SMOC1: variants seen among roughly 807,000 people sequenced by gnomAD.
SMOC1 encodes the protein SPARC-related modular calcium-binding protein 1.
A neutral mutation model predicts 56.3 loss-of-function variants in SMOC1; 22 were observed. The observed-to-expected ratio is 0.39, with a 90% CI of 0.28 to 0.56. The LOEUF is 0.56. Among genes scored for constraint, SMOC1 ranks in the 20% least tolerant of loss-of-function variants. The pLI, the probability that SMOC1 is intolerant of heterozygous loss-of-function variation, is 0.61. For missense variants in SMOC1, 509 were observed against 565.4 expected (o/e 0.90, Z 1.01); for synonymous variants, 193 against 215.0 (o/e 0.90, Z 0.89).
At chr14:69,979,795 A>C (rs1884108018) in intron 5 of SMOC1, among the ~76,000 whole-genome samples, 1 of 152,064 alleles carries the variant, frequency 6.6e-6, no homozygotes, top group Non-Finnish European at 1.5e-5. Context: ...CAGGAACATC[A>C]CCTTTATTCC....
At chr14:69,975,928 T>C in intron 4 of SMOC1, 114 bp downstream of exon 4, 1 of 746,814 alleles carries the variant, frequency 1.3e-6, no homozygotes, top group Non-Finnish European at 2.4e-6. Flanking sequence ...TGAACCTTTT[T>C]CTAGATCAGG....
intron 10 of SMOC1, among the ~76,000 whole-genome samples, chr14:70,018,029 T>A (rs1384010134): frequency 6.6e-6 from 1 of 151,952 alleles, no homozygotes; most frequent in Non-Finnish European, 1.5e-5. Context: ...AGAAGTAGTA[T>A]GGTTTATGTT....
intron 1 of SMOC1, among the ~76,000 whole-genome samples, chr14:69,880,973 A>G (rs985179761): frequency 6.6e-6 from 1 of 152,234 alleles, no homozygotes; most frequent in Non-Finnish European, 1.5e-5. Context: ...AAGCCCAGGT[A>G]TCACTGTGAG....
chr14:69,911,012 C>T (rs1247315417), intron 1 of SMOC1, among the ~76,000 whole-genome samples: 5 of 152,194 alleles, frequency 3.3e-5, no homozygotes, highest in African/African-American at 1.2e-4. Context: ...TGGGCAGATC[C>T]TCAAGTCCTG....
chr14:69,889,722 TA>T (rs5809446), intron 1 of SMOC1, among the ~76,000 whole-genome samples: 3 of 152,298 alleles, frequency 2.0e-5, no homozygotes, highest in South Asian at 4.1e-4. Context: ...CTTAATGGGC[TA>T]AAAAAATCAG....
chr14:70,008,797 A>G lies in SMOC1; in HGVS notation c.665-1957A>G, dbSNP rs368654369. On this transcript the variant is annotated intron_variant, in intron 7 of 11. Coordinates refer to ENST00000361956, the MANE Select transcript of SMOC1 (RefSeq NM_001034852.3). ...TGTTTTCCTTTGGTTTTGCTCCTCT[A>G]TTGCCTCTTTCATGGCATGAAATAC... Among the ~76,000 whole-genome samples, 76 of 152,232 alleles carry G rather than the reference A, an allele frequency of 5.0e-4. No homozygotes were observed. In the South Asian group the frequency reaches 9.1e-3, roughly 18 times the overall value.
At chr14:69,969,629 T>A (rs61981602) in intron 3 of SMOC1, among the ~76,000 whole-genome samples, 278 of 152,250 alleles carry the variant, frequency 1.8e-3, no homozygotes, top group Non-Finnish European at 3.0e-3. Flanking sequence ...GGGATTACAT[T>A]TCAACATGAG....
At chr14:69,994,347 C>A in intron 6 of SMOC1, 53 bp from the exon 7 acceptor site, 1 of 1,401,180 alleles carries the variant, frequency 7.1e-7, no homozygotes, top group Non-Finnish European at 1.0e-6. Flanking sequence ...TACACTTCCA[C>A]TCACATAGTC....
chr14:69,977,697 G>T (rs1384309700), intron 4 of SMOC1, among the ~76,000 whole-genome samples: 1 of 152,140 alleles, frequency 6.6e-6, no homozygotes, highest in African/African-American at 2.4e-5. Context: ...AGAAATCATA[G>T]TTCATCTTAA....
intron 1 of SMOC1, among the ~76,000 whole-genome samples, chr14:69,940,839 G>A (rs1882532144): frequency 6.6e-6 from 1 of 152,104 alleles, no homozygotes; most frequent in African/African-American, 2.4e-5. Flanking sequence ...TGTAGTGAGA[G>A]GAGTTTTTGT....
chr14:70,022,577 G>A (rs1317644555), intron 10 of SMOC1, among the ~76,000 whole-genome samples: 1 of 152,372 alleles, frequency 6.6e-6, no homozygotes, highest in East Asian at 1.9e-4. Flanking sequence ...TGACCCAGTT[G>A]CTTTCTTCTC....
intron 1 of SMOC1, among the ~76,000 whole-genome samples, chr14:69,928,158 A>G (rs978550080): frequency 6.6e-6 from 1 of 152,174 alleles, no homozygotes; most frequent in African/African-American, 2.4e-5. Context: ...TGTGTATCTG[A>G]ATCTTCAGGC....
chr14:69,991,242 A>G (rs774889724), intron 5 of SMOC1, among the ~76,000 whole-genome samples: 6 of 152,146 alleles, frequency 3.9e-5, no homozygotes, highest in Non-Finnish European at 8.8e-5. Flanking sequence ...GCCTGAGACA[A>G]CAGTGCTCTC....
chr14:69,972,396 G>C (rs1272556428), intron 3 of SMOC1, among the ~76,000 whole-genome samples: 1 of 152,128 alleles, frequency 6.6e-6, no homozygotes, highest in Non-Finnish European at 1.5e-5. Context: ...GGTCTTCTGT[G>C]CCACCCTTTG....
rs1167860633 is a variant in SMOC1, at chr14:69,975,743, G to A, written c.407G>A (p.Cys136Tyr). 6.2e-7 allele frequency: 1 copy of A among 1,613,036 alleles called. No homozygotes were observed. Among genetic ancestry groups the A allele is most frequent in the Non-Finnish European group, 8.5e-7 (1 of 1,179,960 alleles). ...CAGTGCCATACTTACACTGGGTACT[G>A]CTGGTGTGTCACCCCGGATGGGAAG... Reference protein sequence around the residue: ...QVQCHTYTGYCWCVTPDGKPI... With the variant: ...QVQCHTYTGYYWCVTPDGKPI... Residue 136 changes from cysteine (C) to tyrosine (Y), a missense_variant, in exon 4 of 12, where the codon TGC (cysteine) becomes TAC (tyrosine). Physicochemically the swap from Cys to Tyr is radical, Grantham distance 194. Coordinates refer to ENST00000361956, the MANE Select transcript of SMOC1 (RefSeq NM_001034852.3).
chr14:69,980,070 G>T (rs1884121606), intron 5 of SMOC1, among the ~76,000 whole-genome samples: 1 of 152,178 alleles, frequency 6.6e-6, no homozygotes. Flanking sequence ...GAAGTGGGGG[G>T]GTGAGGGTGG....
At chr14:69,934,914 T>G (rs1041681232) in intron 1 of SMOC1, among the ~76,000 whole-genome samples, 1 of 152,210 alleles carries the variant, frequency 6.6e-6, no homozygotes, top group Non-Finnish European at 1.5e-5. Flanking sequence ...ATGCAGAAGA[T>G]TACCTCTTGG....
At chr14:69,918,234 A>T (rs35693886) in intron 1 of SMOC1, among the ~76,000 whole-genome samples, 27,078 of 147,918 alleles carry the variant, frequency 0.18, 2,864 homozygotes, top group Admixed American at 0.3. Flanking sequence ...ATATATATAT[A>T]TATTTTTTTT....
intron 7 of SMOC1, among the ~76,000 whole-genome samples, chr14:70,008,349 A>C (rs1018767407): frequency 1.3e-5 from 2 of 152,200 alleles, no homozygotes; most frequent in African/African-American, 4.8e-5. Context: ...TATGTTACCC[A>C]GGCTGGTCTC....
Sources: allele counts gnomAD v4.1 joint callset (sites outside exome capture counted in the v4.1 genomes callset), GRCh38; gene constraint gnomAD v4.1.1; transcripts MANE v1.5; gene names NCBI Gene and HGNC (gene_info 2026-07-23, HGNC 2026-07-21).